CNTNAP2: variants seen among roughly 807,000 people sequenced by gnomAD.
The protein encoded by CNTNAP2 is contactin associated protein 2, also known as contactin-associated protein-like 2.
In CNTNAP2, 98 loss-of-function variants were observed where a neutral mutation model predicts 155.2. The observed-to-expected ratio is 0.63, with a 90% CI of 0.54 to 0.75. The LOEUF is 0.75. Ranked by LOEUF, CNTNAP2 falls within the 30% of genes least tolerant of loss-of-function variation. The pLI is 0.00. For missense variants in CNTNAP2, 1,727 were observed against 1,688.1 expected, an observed-to-expected ratio of 1.02 and a Z score of -0.40; for synonymous variants, 651 against 631.2, an observed-to-expected ratio of 1.03 and a Z score of -0.47.
chr7:147,610,306 T>C (rs1350595059), intron 12 of CNTNAP2, among the ~76,000 whole-genome samples: 5 of 150,780 alleles, frequency 3.3e-5, no homozygotes, highest in Non-Finnish European at 5.9e-5. Context: ...TGGTTTTTTT[T>C]CTTTGTTTGT....
chr7:146,438,299 A>G lies in CNTNAP2; in HGVS notation c.97+321326A>G, dbSNP rs943909840. Among the ~76,000 whole-genome samples the G allele has an allele frequency of 5.4e-5, 8 of 147,226 alleles. No individual in the cohort carries two copies. In the South Asian group the frequency reaches 1.1e-3, roughly 19 times the overall value. The stretch of plus-strand genomic sequence containing the variant: ...TCCATAGAAGCTTTTTTTTTTTTTA[A>G]AGAGTCTATTCATATCCCCTTGATC... On this transcript the variant is annotated intron_variant, in intron 1 of 23. Transcript: ENST00000361727.
At chr7:146,551,635 C>T (rs1028748192) in intron 1 of CNTNAP2, among the ~76,000 whole-genome samples, 2 of 151,930 alleles carry the variant, frequency 1.3e-5, no homozygotes, top group Admixed American at 1.3e-4. Context: ...CCAAAAGACA[C>T]TAAAAAAATG....
rs79162853 is a variant in CNTNAP2, at chr7:146,884,660, G to A, written c.402+44756G>A. Among the ~76,000 whole-genome samples the A allele has an allele frequency of 9.3e-3, 1,415 of 152,186 alleles. 25 individuals are homozygous for A. The highest frequency in any genetic ancestry group is 0.033 in the African/African-American group (1,373 of 41,518). ...TTGCACTACAGGATGGGGCTGGAGG[G>A]CCCACTGGAGCATAAGTAGAGTGCA... On this transcript the variant is annotated intron_variant, in intron 3 of 23. Transcript: ENST00000361727.
At chr7:147,167,840 A>G (rs753909937) in intron 8 of CNTNAP2, among the ~76,000 whole-genome samples, 9 of 152,134 alleles carry the variant, frequency 5.9e-5, no homozygotes, top group East Asian at 1.9e-4. Flanking sequence ...GACTGCTGCA[A>G]TCACATTAGT....
intron 4 of CNTNAP2, among the ~76,000 whole-genome samples, chr7:147,095,719 G>A (rs918373040): frequency 1.6e-4 from 25 of 151,894 alleles, no homozygotes; most frequent in African/African-American, 5.8e-4. Flanking sequence ...CTACAGAAAC[G>A]AGGCAGAAAA....
intron 1 of CNTNAP2, among the ~76,000 whole-genome samples, chr7:146,576,666 T>C (rs1292975680): frequency 2.6e-5 from 4 of 152,118 alleles, no homozygotes; most frequent in South Asian, 2.1e-4. Context: ...GGTCAGAAAA[T>C]TGGGGAAGAC....
At chr7:146,401,125 C>CA (rs1230708488) in intron 1 of CNTNAP2, among the ~76,000 whole-genome samples, 1 of 152,094 alleles carries the variant, frequency 6.6e-6, no homozygotes, top group African/African-American at 2.4e-5. Flanking sequence ...CCTAGGACTA[C>CA]AAAAAATACT....
chr7:146,745,612 C>G (rs1183058967), intron 1 of CNTNAP2, among the ~76,000 whole-genome samples: 3 of 151,790 alleles, frequency 2.0e-5, no homozygotes, highest in African/African-American at 7.3e-5. Context: ...ACTAAAAATG[C>G]AAAAATTAGC....
chr7:148,042,671 C>T (rs576660115), intron 15 of CNTNAP2, among the ~76,000 whole-genome samples: 1 of 152,328 alleles, frequency 6.6e-6, no homozygotes, highest in African/African-American at 2.4e-5. Flanking sequence ...ATACCACCTC[C>T]TGGGTATTCA....
intron 20 of CNTNAP2, among the ~76,000 whole-genome samples, chr7:148,243,517 G>T (rs1248761798): frequency 2.0e-5 from 3 of 152,192 alleles, no homozygotes; most frequent in Non-Finnish European, 1.5e-5. Context: ...CACAATCATG[G>T]TGGAAGGCAA....
chr7:147,213,509 T>C lies in CNTNAP2; in HGVS notation c.1348+81000T>C, dbSNP rs530563660. On this transcript the variant is annotated intron_variant, in intron 8 of 23. Coordinates refer to ENST00000361727, the MANE Select transcript of CNTNAP2 (RefSeq NM_014141.6). ...ATTGCAAAGATATCCACAATGCATT[T>C]TTCTCACAAATGCCCTTTTTCCTGT... 2.0e-5 allele frequency among the ~76,000 whole-genome samples: 3 copies of C among 152,208 alleles called. No individual in the cohort carries two copies. In the South Asian group the frequency reaches 6.2e-4, roughly 32 times the overall value.
chr7:147,622,447 A>G (rs940277641), intron 12 of CNTNAP2, among the ~76,000 whole-genome samples: 3 of 152,102 alleles, frequency 2.0e-5, no homozygotes, highest in African/African-American at 7.2e-5. Context: ...TTCTTTGACC[A>G]CAATGGAATA....
chr7:146,292,947 G>T (rs1326159938), intron 1 of CNTNAP2, among the ~76,000 whole-genome samples: 1 of 151,834 alleles, frequency 6.6e-6, no homozygotes, highest in African/African-American at 2.4e-5. Flanking sequence ...TTATTCTTTG[G>T]GATATATTGT....
At chr7:148,341,338 G>A (rs1195406536) in intron 21 of CNTNAP2, among the ~76,000 whole-genome samples, 1 of 151,382 alleles carries the variant, frequency 6.6e-6, no homozygotes, top group African/African-American at 2.4e-5. Flanking sequence ...ATCCGTAATA[G>A]TGTGTTAAAA....
At chr7:146,813,142 C>CCCCCAAACAGAGT (rs1420284872) in intron 2 of CNTNAP2, among the ~76,000 whole-genome samples, 1 of 152,104 alleles carries the variant, frequency 6.6e-6, no homozygotes, top group Non-Finnish European at 1.5e-5. Flanking sequence ...AGGGTCAGAG[C>CCCCCAAACAGAGT]CCCCACACAG....
At chr7:147,240,469 T>G (rs2116636268) in intron 8 of CNTNAP2, among the ~76,000 whole-genome samples, 1 of 152,362 alleles carries the variant, frequency 6.6e-6, no homozygotes, top group African/African-American at 2.4e-5. Context: ...AAAACAACTT[T>G]ATTTCCTATT....
intron 10 of CNTNAP2, among the ~76,000 whole-genome samples, chr7:147,425,812 C>T (rs1797369101): frequency 6.6e-6 from 1 of 152,110 alleles, no homozygotes; most frequent in Admixed American, 6.5e-5. Context: ...TCATGTGTTA[C>T]TTGATTTTGT....
chr7:148,031,303 A>G (rs1368868807), intron 15 of CNTNAP2, among the ~76,000 whole-genome samples: 1 of 152,184 alleles, frequency 6.6e-6, no homozygotes, highest in East Asian at 1.9e-4. Context: ...CAAGTTTTCT[A>G]ATGTAAGTGC....
intron 2 of CNTNAP2, chr7:146,782,167 C>T (rs1440901412): frequency 1.3e-5 from 2 of 152,116 alleles, no homozygotes; most frequent in African/African-American, 2.4e-5. Flanking sequence ...CAGCCTCTAC[C>T]ATGTAGTACT....
Sources: allele counts gnomAD v4.1 joint callset (sites outside exome capture counted in the v4.1 genomes callset), GRCh38; gene constraint gnomAD v4.1.1; transcripts MANE v1.5; gene names NCBI Gene and HGNC (gene_info 2026-07-23, HGNC 2026-07-21).